The following PRDM12 variants were observed in gnomAD, a reference collection of about 807,000 sequenced individuals.
PRDM12 encodes the protein PR domain zinc finger protein 12.
A neutral mutation model predicts 29.6 loss-of-function variants in PRDM12; 17 were observed. That is an observed-to-expected ratio of 0.57 (90% CI 0.39 to 0.86). The LOEUF is 0.86. Ranked by LOEUF, PRDM12 falls within the 40% of genes least tolerant of loss-of-function variation. The pLI, the probability that PRDM12 is intolerant of heterozygous loss-of-function variation, is 0.00. For missense variants in PRDM12, 422 were observed against 510.8 expected (o/e 0.83, Z 1.68); for synonymous variants, 231 against 225.8 (o/e 1.02, Z -0.21).
At chr9:130,671,879 A>G (rs7851500) in intron 3 of PRDM12, among the ~76,000 whole-genome samples, 103,864 of 152,182 alleles carry the variant, frequency 0.68, 36,227 homozygotes, top group East Asian at 0.99. Flanking sequence ...CCCATTACTT[A>G]CCAAAAATAG....
At chr9:130,666,114 G>T (rs1830731001) in intron 1 of PRDM12, among the ~76,000 whole-genome samples, 1 of 152,214 alleles carries the variant, frequency 6.6e-6, no homozygotes, top group South Asian at 2.1e-4. Context: ...TCTGTCCCCA[G>T]CGCTGATCAC....
intron 3 of PRDM12, among the ~76,000 whole-genome samples, chr9:130,673,320 G>T (rs115751285): frequency 0.012 from 1,796 of 152,296 alleles, 34 homozygotes; most frequent in African/African-American, 0.041. Context: ...AGGTTCCTGG[G>T]TTTCCCGGGC....
At chr9:130,677,115 G>C (rs987446781) in intron 3 of PRDM12, among the ~76,000 whole-genome samples, 18 of 152,164 alleles carry the variant, frequency 1.2e-4, no homozygotes, top group Non-Finnish European at 2.1e-4. Context: ...TGTAGAGACA[G>C]GGTTTTGCTA....
chr9:130,681,365 T>C lies in PRDM12; in HGVS notation c.800T>C (p.Leu267Pro). 2 of 1,588,148 alleles carry C rather than the reference T, an allele frequency of 1.3e-6. No homozygotes were observed. The highest frequency in any genetic ancestry group is 2.3e-5 in the East Asian group (1 of 43,558). ...NLRSHMRIHT[L>P]DKPFVCRFCN... is the part of the protein sequence containing the mutation. ...CGCTCGCACATGCGCATCCACACGCTGGACAAGCCCTTCGTGTGCCGCTTC... is the reference window on the plus strand; with the variant it reads ...CGCTCGCACATGCGCATCCACACGCCGGACAAGCCCTTCGTGTGCCGCTTC... The change falls in exon 5 of 5, where the codon CTG (leucine) becomes CCG (proline). Residue 267 changes from leucine (L) to proline (P), a missense_variant. Around this residue, in one of 5 missense-constraint regions of PRDM12, gnomAD observed 28 missense variants for 18.3 expected, o/e 1.53. Coordinates refer to ENST00000253008, the MANE Select transcript of PRDM12 (RefSeq NM_021619.3). The surrounding 1 kb of genome is among the most constrained non-coding windows in gnomAD (Gnocchi z 8.1).
intron 3 of PRDM12, among the ~76,000 whole-genome samples, chr9:130,672,461 T>C (rs1830797567): frequency 6.6e-6 from 1 of 152,228 alleles, no homozygotes; most frequent in South Asian, 2.1e-4. Context: ...AGTGCTGGGA[T>C]TACAGGCGTG....
chr9:130,676,744 T>A (rs983676349), intron 3 of PRDM12, among the ~76,000 whole-genome samples: 3 of 152,098 alleles, frequency 2.0e-5, no homozygotes, highest in Admixed American at 2.0e-4. Context: ...CACATTGGCT[T>A]CTCGTCATTT....
At chr9:130,674,954 A>G (rs1330127825) in intron 3 of PRDM12, among the ~76,000 whole-genome samples, 1 of 152,102 alleles carries the variant, frequency 6.6e-6, no homozygotes, top group Non-Finnish European at 1.5e-5. Flanking sequence ...ATCTCAGCTC[A>G]CTGCAACCTC....
chr9:130,665,376 C>T (rs1830723089), intron 1 of PRDM12, among the ~76,000 whole-genome samples: 1 of 152,098 alleles, frequency 6.6e-6, no homozygotes, highest in Non-Finnish European at 1.5e-5. Flanking sequence ...AAAGAGAGAG[C>T]GAGAAAAGTT....
At chr9:130,672,285 C>G (rs1830795995) in intron 3 of PRDM12, among the ~76,000 whole-genome samples, 1 of 152,048 alleles carries the variant, frequency 6.6e-6, no homozygotes, top group South Asian at 2.1e-4. Flanking sequence ...CACTGCAACC[C>G]CTGCCTCCCA....
At position 130,678,688 on chromosome 9, in the gene PRDM12, G is replaced by A. The variant is rs755265181; in HGVS notation, c.682+48G>A. 20 of 1,448,082 alleles carry A rather than the reference G, an allele frequency of 1.4e-5. No homozygotes were observed. The East Asian group carries it at 4.6e-4, about 33-fold the overall frequency. 89.7% of individuals were successfully genotyped at this position (1,448,082 alleles called of 1,614,324 possible). A position where few individuals can be genotyped will look rare whatever the true frequency, so the allele number is the denominator to read the frequency against. On this transcript the variant is annotated intron_variant, in intron 4 of 4. Transcript: ENST00000253008. The stretch of plus-strand genomic sequence containing the variant: ...CTGAGACACAGACCCATGGAGAGGG[G>A]AGCCCAGGGAGGGGAGAGAGAGAAT...
rs1317916230 is a variant in PRDM12, at chr9:130,681,330, C to T, written c.765C>T (p.Arg255=). The change falls in exon 5 of 5, where the codon CGC becomes CGT. Residue 255 remains arginine, a synonymous_variant. Coordinates refer to ENST00000253008, the MANE Select transcript of PRDM12 (RefSeq NM_021619.3). This position sits in a 1 kb window ranked among gnomAD's most constrained non-coding sequence, Gnocchi z 8.1. ...TCTGCCACCGCGGCTTCAACTCGCG[C>T]AGCAACCTGCGCTCGCACATGCGCA... is the stretch of plus-strand genomic sequence containing the variant. ...CVICHRGFNS[R]SNLRSHMRIH... The T allele has an allele frequency of 1.9e-6, 3 of 1,564,116 alleles. No individual in the cohort carries two copies. The highest frequency in any genetic ancestry group is 2.8e-5 in the African/African-American group (2 of 72,376).
chr9:130,676,923 C>G (rs542400251), intron 3 of PRDM12, among the ~76,000 whole-genome samples: 3 of 144,104 alleles, frequency 2.1e-5, no homozygotes, highest in Admixed American at 1.4e-4. Context: ...TTTTTTTTTT[C>G]CTTGAGACAG....
At chr9:130,676,450 C>T (rs892788110) in intron 3 of PRDM12, among the ~76,000 whole-genome samples, 20 of 152,122 alleles carry the variant, frequency 1.3e-4, no homozygotes, top group African/African-American at 4.3e-4. Flanking sequence ...GAGCCAAGAT[C>T]GCGCCACTGC....
chr9:130,680,010 A>T (rs1481791866), intron 4 of PRDM12, among the ~76,000 whole-genome samples: 2 of 152,120 alleles, frequency 1.3e-5, no homozygotes, highest in Admixed American at 1.3e-4. Flanking sequence ...CTGTTTATTA[A>T]GTCCTTGCTC....
chr9:130,664,976 T>C lies in PRDM12; in HGVS notation c.223+100T>C. The C allele has an allele frequency of 8.0e-7, 1 of 1,250,578 alleles. No individual in the cohort carries two copies. The highest frequency in any genetic ancestry group is 1.1e-6 in the Non-Finnish European group (1 of 920,540). The allele number at this position is 1,250,578 out of a possible 1,614,324, so 77.5% of individuals were successfully genotyped here. Reference sequence around the variant, plus strand: ...ACGCGGCTGGGATACCCGGCCTCGCTGCTACTCGCGCCAACCTGGGCTCTC... The same window carrying C: ...ACGCGGCTGGGATACCCGGCCTCGCCGCTACTCGCGCCAACCTGGGCTCTC... On this transcript the variant is annotated intron_variant, in intron 1 of 4. Transcript: ENST00000253008. The surrounding 1 kb of genome is among the most constrained non-coding windows in gnomAD (Gnocchi z 6.4).
chr9:130,676,792 T>G (rs1356020827), intron 3 of PRDM12, among the ~76,000 whole-genome samples: 2 of 152,206 alleles, frequency 1.3e-5, no homozygotes, highest in African/African-American at 4.8e-5. Context: ...CCGTGAACCA[T>G]GGGGGCATGT....
chr9:130,676,217 G>T (rs922621540), intron 3 of PRDM12, among the ~76,000 whole-genome samples: 1 of 152,186 alleles, frequency 6.6e-6, no homozygotes, highest in South Asian at 2.1e-4. Context: ...AAAGCTGGGC[G>T]CGGTGGCTCA....
At chr9:130,667,285 C>G (rs946360528) in intron 2 of PRDM12, among the ~76,000 whole-genome samples, 1 of 152,218 alleles carries the variant, frequency 6.6e-6, no homozygotes, top group Non-Finnish European at 1.5e-5. Context: ...GCTGAGGTGG[C>G]ATTGAGTCAG....
intron 3 of PRDM12, among the ~76,000 whole-genome samples, chr9:130,676,445 A>G (rs4451349): frequency 0.95 from 145,219 of 152,098 alleles, 69,379 homozygotes; most frequent in Middle Eastern, 1. Flanking sequence ...GCAGTGAGCC[A>G]AGATCGCGCC....
Sources: gnomAD v4.1 joint callset for allele counts (sites outside exome capture counted in the v4.1 genomes callset) on GRCh38, gnomAD v4.1.1 for gene constraint, gnomAD v4.1.1 regional missense constraint, Gnocchi (gnomAD v3.1) non-coding constraint, MANE v1.5 for transcripts, NCBI Gene and HGNC (gene_info 2026-07-23, HGNC 2026-07-21) for gene names.